KCNJ6: variants seen among roughly 807,000 people sequenced by gnomAD.
The protein encoded by KCNJ6 is G protein-activated inward rectifier potassium channel 2.
A neutral mutation model predicts 34.2 loss-of-function variants in KCNJ6; 9 were observed. That is an observed-to-expected ratio of 0.26 (90% CI 0.16 to 0.46). The LOEUF (loss-of-function observed/expected upper bound fraction) is 0.46, where lower values mean the gene tolerates loss of function less well. KCNJ6 is among the 20% of genes least tolerant of loss of function. The probability of loss-of-function intolerance (pLI) is 1.00; values close to 1 mark genes in which losing one functional copy is unlikely to be tolerated. For missense variants in KCNJ6, 236 were observed against 531.3 expected (o/e 0.44, Z 5.46); for synonymous variants, 196 against 207.1 (o/e 0.95, Z 0.46).
At position 37,853,846 on chromosome 21, in the gene KCNJ6, G is replaced by GTGTATATATATATATATATACACA. The variant is rs71198897; in HGVS notation, c.-27-13138_-27-13137insTGTGTATATATATATATATATACA. On this transcript the variant is annotated intron_variant, in intron 1 of 3. Transcript: ENST00000609713. The stretch of plus-strand genomic sequence containing the variant: ...GTAGTTAAGAGATACATATATATAT[G>GTGTATATATATATATATATACACA]TATATATATATATATAAATTACATT... Among the ~76,000 whole-genome samples, 27 of 115,956 alleles carry GTGTATATATATATATATATACACA rather than the reference G, an allele frequency of 2.3e-4. No individual in the cohort carries two copies. In the East Asian group the frequency reaches 3.0e-3, roughly 13 times the overall value. The allele number at this position is 115,956 out of a possible 152,430, so 76.1% of individuals were successfully genotyped here.
intron 3 of KCNJ6, among the ~76,000 whole-genome samples, chr21:37,706,350 C>T (rs2054719545): frequency 6.6e-6 from 1 of 152,186 alleles, no homozygotes; most frequent in African/African-American, 2.4e-5. Context: ...GAAATTGTTG[C>T]TCTCAATGAT....
chr21:37,710,602 T>G (rs1359874972), intron 3 of KCNJ6, among the ~76,000 whole-genome samples: 1 of 151,876 alleles, frequency 6.6e-6, no homozygotes, highest in Admixed American at 6.6e-5. Context: ...TCGCTGGGGG[T>G]AAATGTGGAA....
intron 3 of KCNJ6, among the ~76,000 whole-genome samples, chr21:37,698,891 G>T (rs976229154): frequency 6.6e-6 from 1 of 152,012 alleles, no homozygotes; most frequent in African/African-American, 2.4e-5. Flanking sequence ...TAGAGATGGG[G>T]TTTCACCATC....
At chr21:37,773,672 T>C (rs1452691047) in intron 2 of KCNJ6, among the ~76,000 whole-genome samples, 2 of 152,118 alleles carry the variant, frequency 1.3e-5, no homozygotes, top group Non-Finnish European at 2.9e-5. Flanking sequence ...TCTCTATTTT[T>C]CTCTAACTGC....
intron 3 of KCNJ6, among the ~76,000 whole-genome samples, chr21:37,638,435 C>T (rs1349924560): frequency 6.6e-6 from 1 of 152,198 alleles, no homozygotes; most frequent in African/African-American, 2.4e-5. Context: ...GTGTGAGCCA[C>T]CGCTCCCAGC....
At chr21:37,704,767 C>T (rs1376598369) in intron 3 of KCNJ6, among the ~76,000 whole-genome samples, 1 of 152,036 alleles carries the variant, frequency 6.6e-6, no homozygotes, top group Non-Finnish European at 1.5e-5. Context: ...AAGCCTATAT[C>T]TTTTTATTAT....
chr21:37,729,766 G>A (rs1211487446), intron 2 of KCNJ6, among the ~76,000 whole-genome samples: 5 of 152,212 alleles, frequency 3.3e-5, no homozygotes, highest in Admixed American at 1.3e-4. Flanking sequence ...AAAGAGGGTG[G>A]AAACCTAGTC....
intron 3 of KCNJ6, among the ~76,000 whole-genome samples, chr21:37,655,220 TGTGTGAGA>T (rs2054455644): frequency 7.9e-4 from 7 of 8,914 alleles, no homozygotes; most frequent in Non-Finnish European, 2.9e-3. Flanking sequence ...TGTGTGTGTG[TGTGTGAGA>T]GAGAGAGAGA....
chr21:37,880,383 G>A (rs182346476), intron 1 of KCNJ6, among the ~76,000 whole-genome samples: 72 of 152,350 alleles, frequency 4.7e-4, no homozygotes, highest in African/African-American at 1.7e-3. Flanking sequence ...TGGTTTGGGG[G>A]AAACTCAGAC....
chr21:37,911,637 A>G (rs2123654630), intron 1 of KCNJ6, among the ~76,000 whole-genome samples: 1 of 152,200 alleles, frequency 6.6e-6, no homozygotes, highest in South Asian at 2.1e-4. Flanking sequence ...TTTTCCCCTC[A>G]CTTTCTTCTT....
intron 3 of KCNJ6, among the ~76,000 whole-genome samples, chr21:37,637,751 T>A (rs2054364362): frequency 6.6e-6 from 1 of 152,190 alleles, no homozygotes; most frequent in South Asian, 2.1e-4. Flanking sequence ...GGGAGATAAG[T>A]TAAGTCAAAT....
intron 2 of KCNJ6, among the ~76,000 whole-genome samples, chr21:37,811,154 A>G (rs2055320572): frequency 2.0e-5 from 3 of 152,182 alleles, no homozygotes; most frequent in Admixed American, 2.0e-4. Flanking sequence ...TTGGTGAACA[A>G]GAACACATCC....
At chr21:37,666,480 CT>C (rs1556016251) in intron 3 of KCNJ6, among the ~76,000 whole-genome samples, 13 of 152,178 alleles carry the variant, frequency 8.5e-5, no homozygotes, top group Non-Finnish European at 1.5e-5. Flanking sequence ...ATTTCCCAAT[CT>C]GTAAAATGGG....
intron 3 of KCNJ6, among the ~76,000 whole-genome samples, chr21:37,645,421 G>C (rs865870770): frequency 2.2e-4 from 33 of 152,022 alleles, no homozygotes; most frequent in African/African-American, 8.0e-4. Context: ...TCCTTACAGA[G>C]TGACTCACAA....
At chr21:37,817,268 T>C (rs3787835) in intron 2 of KCNJ6, among the ~76,000 whole-genome samples, 86,750 of 152,010 alleles carry the variant, frequency 0.57, 25,657 homozygotes, top group East Asian at 0.79. Flanking sequence ...CTGATTGTTC[T>C]TTCCTAGCTG....
chr21:37,871,649 C>A (rs1328217854), intron 1 of KCNJ6, among the ~76,000 whole-genome samples: 1 of 152,178 alleles, frequency 6.6e-6, no homozygotes, highest in Non-Finnish European at 1.5e-5. Flanking sequence ...GAAGAAGTTG[C>A]CTGAAGAACA....
At chr21:37,707,886 A>G (rs1392181823) in intron 3 of KCNJ6, among the ~76,000 whole-genome samples, 2 of 151,924 alleles carry the variant, frequency 1.3e-5, no homozygotes, top group East Asian at 2.0e-4. Context: ...TATGCTAATT[A>G]GAGACTTCAC....
intron 3 of KCNJ6, among the ~76,000 whole-genome samples, chr21:37,693,236 C>T (rs750123686): frequency 7.6e-6 from 1 of 132,218 alleles, no homozygotes; most frequent in Non-Finnish European, 1.6e-5. Context: ...ATGTTTTAGG[C>T]AACATCCAAG....
intron 3 of KCNJ6, among the ~76,000 whole-genome samples, chr21:37,627,067 A>G (rs1452438261): frequency 2.0e-5 from 3 of 152,196 alleles, no homozygotes; most frequent in Non-Finnish European, 2.9e-5. Context: ...ATTAGGGAGA[A>G]GAGAATACCT....
Sources: gnomAD v4.1 joint callset for allele counts (sites outside exome capture counted in the v4.1 genomes callset) on GRCh38, gnomAD v4.1.1 for gene constraint, MANE v1.5 for transcripts, NCBI Gene and HGNC (gene_info 2026-07-23, HGNC 2026-07-21) for gene names.